The following KIRREL3 variants were observed in gnomAD, a reference collection of about 807,000 sequenced individuals.
KIRREL3 encodes the protein kirre like nephrin family adhesion molecule 3.
A neutral mutation model predicts 89.7 loss-of-function variants in KIRREL3; 36 were observed. That is an observed-to-expected ratio of 0.40 (90% CI 0.31 to 0.53). The LOEUF (loss-of-function observed/expected upper bound fraction) is 0.53. KIRREL3 is among the 20% of genes least tolerant of loss of function. The pLI, the probability that KIRREL3 is intolerant of heterozygous loss-of-function variation, is 0.49. For synonymous variants in KIRREL3, 445 were observed against 441.4 expected (o/e 1.01, Z -0.10); for missense variants, 864 against 1,056.6 (o/e 0.82, Z 2.53).
chr11:126,842,230 C>A (rs1451253134), intron 1 of KIRREL3, among the ~76,000 whole-genome samples: 1 of 152,200 alleles, frequency 6.6e-6, no homozygotes, highest in Non-Finnish European at 1.5e-5. Flanking sequence ...AGAGACAGCA[C>A]ATTGATATCA....
chr11:126,458,023 G>C (rs139581372), intron 6 of KIRREL3, among the ~76,000 whole-genome samples: 1 of 151,996 alleles, frequency 6.6e-6, no homozygotes, highest in Non-Finnish European at 1.5e-5. Context: ...CCCAGGCCTC[G>C]GCACCCCCGG....
rs1289321120 is a variant in KIRREL3, at chr11:126,561,352, G to A, written c.133+1483C>T. Among the ~76,000 whole-genome samples, 4 of 152,186 alleles carry A rather than the reference G, an allele frequency of 2.6e-5. No homozygotes were observed. The highest frequency in any genetic ancestry group is 6.5e-5 in the Admixed American group (1 of 15,282). On this transcript the variant is annotated intron_variant, in intron 2 of 16. Transcript: ENST00000525144. The surrounding 1 kb of genome is among the most constrained non-coding windows in gnomAD (Gnocchi z 4.5). ...TCTCCTCAGCCACCCAGAAGCTGAG[G>A]TCAGATATCTGGAGCTATGGGTTTC...
rs1949423211 is a variant in KIRREL3, at chr11:126,754,260, T to G, written c.56-191348A>C. Among the ~76,000 whole-genome samples, 1 of 152,210 alleles carries G rather than the reference T, an allele frequency of 6.6e-6. No individual in the cohort carries two copies. The highest frequency in any genetic ancestry group is 2.4e-5 in the African/African-American group (1 of 41,464). ...TTTGCATCTGGCTACAGATCTAAAT[T>G]TATTGCATTAGCTTTGAGAAGACTT... is the stretch of plus-strand genomic sequence containing the variant. On this transcript the variant is annotated intron_variant, in intron 1 of 16. Transcript: ENST00000525144. This position sits in a 1 kb window ranked among gnomAD's most constrained non-coding sequence, Gnocchi z 5.1.
chr11:126,958,300 A>G (rs1379613163), intron 1 of KIRREL3, among the ~76,000 whole-genome samples: 1 of 152,212 alleles, frequency 6.6e-6, no homozygotes, highest in Non-Finnish European at 1.5e-5. Context: ...AGGAGCCCAG[A>G]TCCTAAGTGA....
At chr11:126,534,465 C>T (rs1054036620) in intron 2 of KIRREL3, among the ~76,000 whole-genome samples, 3 of 152,148 alleles carry the variant, frequency 2.0e-5, no homozygotes, top group Non-Finnish European at 2.9e-5. Context: ...CCTTCCTGCT[C>T]GCCGCCTGGA....
Position 126,446,772 on chromosome 11 carries a change from C to A in KIRREL3, c.1112G>T (p.Arg371Leu), listed in dbSNP as rs748376016. Residue 371 changes from arginine to leucine, a missense_variant, in exon 9 of 17, where the codon CGG becomes CTG. Physicochemically the swap from Arg to Leu is moderately radical, Grantham distance 102 (BLOSUM62 -2). Transcript: ENST00000525144. ...CTGCAGCCTCACCACTCCGGAGCCC[C>A]GCTTCATCCAGACGATGGTCAGGGA... is the stretch of plus-strand genomic sequence containing the variant. The part of the protein sequence containing the change: ...NPSLTIVWMK[R>L]GSGVVLSNEK... 3 of 1,601,114 alleles carry A rather than the reference C, an allele frequency of 1.9e-6. No individual in the cohort carries two copies. Among genetic ancestry groups the A allele is most frequent in the East Asian group, 2.3e-5 (1 of 44,332 alleles).
chr11:126,769,565 C>T lies in KIRREL3; in HGVS notation c.56-206653G>A, dbSNP rs553719907. 6.6e-6 allele frequency among the ~76,000 whole-genome samples: 1 copy of T among 152,316 alleles called. No homozygotes were observed. The highest frequency in any genetic ancestry group is 2.4e-5 in the African/African-American group (1 of 41,572). On this transcript the variant is annotated intron_variant, in intron 1 of 16. Transcript: ENST00000525144. The surrounding 1 kb of genome is among the most constrained non-coding windows in gnomAD (Gnocchi z 4.3). ...CATGCATTTTGCATATTTTCATTTA[C>T]CACTGAATGCATGGACAGAGTTCTC...
At chr11:126,585,210 C>T (rs1212480339) in intron 1 of KIRREL3, among the ~76,000 whole-genome samples, 5 of 148,014 alleles carry the variant, frequency 3.4e-5, no homozygotes, top group African/African-American at 1.0e-4. Flanking sequence ...TGAGCCACCG[C>T]GCCCGGCCTC....
At chr11:126,932,429 T>TG (rs1279926478) in intron 1 of KIRREL3, among the ~76,000 whole-genome samples, 3 of 151,882 alleles carry the variant, frequency 2.0e-5, no homozygotes, top group East Asian at 1.9e-4. Context: ...ACACCGAAAG[T>TG]GGGGGGTCCT....
In KIRREL3 at chr11:126,623,759, G is replaced by C. The variant is rs1021076105; in HGVS notation, c.56-60847C>G. ...AATAAATACTAAGCTAGAAAACAAA[G>C]ATATACATAGAAATTCTAGGTTCTC... On this transcript the variant is annotated intron_variant, in intron 1 of 16. Coordinates refer to ENST00000525144, the MANE Select transcript of KIRREL3 (RefSeq NM_032531.4). The surrounding 1 kb of genome is among the most constrained non-coding windows in gnomAD (Gnocchi z 4.1). Among the ~76,000 whole-genome samples, 1 of 152,134 alleles carries C rather than the reference G, an allele frequency of 6.6e-6. No individual in the cohort carries two copies. The highest frequency in any genetic ancestry group is 2.4e-5 in the African/African-American group (1 of 41,430).
intron 1 of KIRREL3, among the ~76,000 whole-genome samples, chr11:126,602,019 T>C (rs1016073448): frequency 6.6e-6 from 1 of 152,182 alleles, no homozygotes; most frequent in African/African-American, 2.4e-5. Context: ...TGCGGCCTTT[T>C]CCCGTGGCAT....
rs1949852598 is a variant in KIRREL3, at chr11:126,985,885, A to G, written c.55+14570T>C. On this transcript the variant is annotated intron_variant, in intron 1 of 16. Coordinates refer to ENST00000525144, the MANE Select transcript of KIRREL3 (RefSeq NM_032531.4). This position sits in a 1 kb window ranked among gnomAD's most constrained non-coding sequence, Gnocchi z 5.3. ...AGGCATGTGCCTTCATGACCCCCCTACTGGATGGGAGAGAGTTAAAGCTGT... is the reference window on the plus strand; with the variant it reads ...AGGCATGTGCCTTCATGACCCCCCTGCTGGATGGGAGAGAGTTAAAGCTGT... Among the ~76,000 whole-genome samples the G allele has an allele frequency of 6.6e-6, 1 of 152,194 alleles. No individual in the cohort carries two copies. The highest frequency in any genetic ancestry group is 6.5e-5 in the Admixed American group (1 of 15,286).
At position 126,427,544 on chromosome 11, in the gene KIRREL3, T is replaced by A. The variant is rs1210727864; in HGVS notation, c.1806+1635A>T. Among the ~76,000 whole-genome samples, 2 of 152,192 alleles carry A rather than the reference T, an allele frequency of 1.3e-5. No homozygotes were observed. Among genetic ancestry groups the A allele is most frequent in the African/African-American group, 4.8e-5 (2 of 41,440 alleles). ...GAGAGAACAGCCGGTGCACAGGCCTTTGAAGTCCAAAAGATTCGAAGGCCA... is the reference window on the plus strand; with the variant it reads ...GAGAGAACAGCCGGTGCACAGGCCTATGAAGTCCAAAAGATTCGAAGGCCA... On this transcript the variant is annotated intron_variant, in intron 15 of 16. Coordinates refer to ENST00000525144, the MANE Select transcript of KIRREL3 (RefSeq NM_032531.4). The surrounding 1 kb of genome is among the most constrained non-coding windows in gnomAD (Gnocchi z 5.3).
rs1235457581 is a variant in KIRREL3, at chr11:126,783,246, G to A, written c.55+217209C>T. 1.3e-5 allele frequency among the ~76,000 whole-genome samples: 2 copies of A among 152,196 alleles called. No individual in the cohort carries two copies. The highest frequency in any genetic ancestry group is 6.5e-5 in the Admixed American group (1 of 15,282). ...CCTTGGCATTCCTTGGCTTGTAGAT[G>A]TGTCCCTACAATCTCTGCCTCTGTG... On this transcript the variant is annotated intron_variant, in intron 1 of 16. Coordinates refer to ENST00000525144, the MANE Select transcript of KIRREL3 (RefSeq NM_032531.4). The surrounding 1 kb of genome is among the most constrained non-coding windows in gnomAD (Gnocchi z 4.3).
At position 126,785,226 on chromosome 11, in the gene KIRREL3, G is replaced by A. The variant is rs931330889; in HGVS notation, c.55+215229C>T. ...GAGAGTTGTTTTTTGTCATTTACAC[G>A]TGGCGTGGTGACAGCAAGCCAGGTG... On this transcript the variant is annotated intron_variant, in intron 1 of 16. Transcript: ENST00000525144. Among the ~76,000 whole-genome samples, 8 of 152,156 alleles carry A rather than the reference G, an allele frequency of 5.3e-5. No individual in the cohort carries two copies. In the South Asian group the frequency reaches 1.7e-3, roughly 32 times the overall value.
chr11:126,581,481 C>T (rs1941551150), intron 1 of KIRREL3, among the ~76,000 whole-genome samples: 2 of 152,082 alleles, frequency 1.3e-5, no homozygotes, highest in Admixed American at 1.3e-4. Context: ...GGATTATAGG[C>T]GTGAGACACC....
rs1487902176 is a variant in KIRREL3, at chr11:126,752,332, T to C, written c.56-189420A>G. Among the ~76,000 whole-genome samples, 1 of 152,120 alleles carries C rather than the reference T, an allele frequency of 6.6e-6. No individual in the cohort carries two copies. The highest frequency in any genetic ancestry group is 2.4e-5 in the African/African-American group (1 of 41,398). On this transcript the variant is annotated intron_variant, in intron 1 of 16. Coordinates refer to ENST00000525144, the MANE Select transcript of KIRREL3 (RefSeq NM_032531.4). This position sits in a 1 kb window ranked among gnomAD's most constrained non-coding sequence, Gnocchi z 4.8. ...TTTTGGATTTTGCAGATTCCTTTCC[T>C]GAGAGTTGAAATGATGGCTTTAAAA...
intron 1 of KIRREL3, among the ~76,000 whole-genome samples, chr11:126,869,898 G>A (rs916615237): frequency 6.6e-6 from 1 of 152,214 alleles, no homozygotes; most frequent in East Asian, 1.9e-4. Context: ...CCAAAGTGAT[G>A]AAATTCAGTT....
chr11:126,458,158 C>A (rs895815659), intron 6 of KIRREL3, among the ~76,000 whole-genome samples: 2 of 152,324 alleles, frequency 1.3e-5, no homozygotes, highest in South Asian at 4.1e-4. Context: ...ACAGGCTGGG[C>A]CCTGGGCTGC....
Sources: gnomAD v4.1 joint callset for allele counts (sites outside exome capture counted in the v4.1 genomes callset) on GRCh38, gnomAD v4.1.1 for gene constraint, Gnocchi (gnomAD v3.1) non-coding constraint, MANE v1.5 for transcripts, NCBI Gene and HGNC (gene_info 2026-07-23, HGNC 2026-07-21) for gene names.